Variants in STRN3 observed in about 807,000 individuals in gnomAD.
STRN3 encodes striatin-3.
Under a neutral mutation model 95.6 loss-of-function variants are expected in STRN3, and 29 were observed. The ratio of observed to expected loss-of-function variants is 0.30; its 90% confidence interval spans 0.23 to 0.41. STRN3 has a LOEUF of 0.41. STRN3 is among the 10% of genes least tolerant of loss of function. The probability of loss-of-function intolerance (pLI) is 1.00; values close to 1 mark genes in which losing one functional copy is unlikely to be tolerated. For missense variants in STRN3, 890 were observed against 972.1 expected (o/e 0.92, Z 1.12); for synonymous variants, 331 against 357.6 (o/e 0.93, Z 0.84).
chr14:30,900,443 C>T (rs867496984), intron 16 of STRN3, among the ~76,000 whole-genome samples: 1 of 52,368 alleles, frequency 1.9e-5, no homozygotes, highest in Admixed American at 2.4e-4. Flanking sequence ...GGGTGTGGGG[C>T]GGGGGGGGGC....
intron 1 of STRN3, among the ~76,000 whole-genome samples, chr14:30,986,524 T>C (rs1881701827): frequency 6.6e-6 from 1 of 152,212 alleles, no homozygotes; most frequent in South Asian, 2.1e-4. Context: ...GTAATAAACC[T>C]TTTAGCTACT....
chr14:30,926,900 G>T (rs1382916575), intron 8 of STRN3, among the ~76,000 whole-genome samples: 1 of 151,826 alleles, frequency 6.6e-6, no homozygotes, highest in Non-Finnish European at 1.5e-5. Flanking sequence ...TGTTTAGAAA[G>T]AAGAAAAAAT....
intron 1 of STRN3, among the ~76,000 whole-genome samples, chr14:30,974,115 CAG>C (rs1357852320): frequency 6.6e-6 from 1 of 152,020 alleles, no homozygotes; most frequent in African/African-American, 2.4e-5. Context: ...AATTAGGAAA[CAG>C]AAATAAAAGG....
chr14:31,003,214 A>G (rs1257811596), intron 1 of STRN3, among the ~76,000 whole-genome samples: 1 of 150,666 alleles, frequency 6.6e-6, no homozygotes, highest in African/African-American at 2.4e-5. Flanking sequence ...GTGAGCCAAG[A>G]CCACGCCACT....
At chr14:30,895,893 C>T (rs1277876128) in intron 16 of STRN3, 145 bp from the exon 17 acceptor site, 8 of 651,652 alleles carry the variant, frequency 1.2e-5, no homozygotes, top group African/African-American at 3.7e-5. Context: ...AAATTTACCA[C>T]TGTAAACATC....
chr14:30,914,470 G>C (rs1437054325), intron 9 of STRN3, among the ~76,000 whole-genome samples: 1 of 151,858 alleles, frequency 6.6e-6, no homozygotes, highest in Non-Finnish European at 1.5e-5. Flanking sequence ...CTCCTGTCTC[G>C]GTCTCCCAAG....
At chr14:31,025,735 G>A (rs1246841522) in intron 1 of STRN3, 169 bp downstream of exon 1, 16 of 899,494 alleles carry the variant, frequency 1.8e-5, no homozygotes, top group Admixed American at 5.6e-5. Context: ...GAAAGAGGGA[G>A]GGGGACTCCA....
At chr14:30,902,716 C>A in intron 15 of STRN3, 73 bp from the exon 16 acceptor site, 2 of 960,034 alleles carry the variant, frequency 2.1e-6, no homozygotes, top group South Asian at 1.5e-5. Context: ...CCTTTTTAAT[C>A]GTGCTAAAAT....
intron 1 of STRN3, among the ~76,000 whole-genome samples, chr14:31,003,359 A>AC (rs1259822462): frequency 6.9e-6 from 1 of 145,668 alleles, no homozygotes; most frequent in Non-Finnish European, 1.5e-5. Flanking sequence ...GAAAAAAAAA[A>AC]AACAAACAAC....
Position 30,950,929 on chromosome 14 carries a change from G to T in STRN3, c.476C>A (p.Thr159Lys), listed in dbSNP as rs935625321. 50 of 1,612,536 alleles carry T rather than the reference G, an allele frequency of 3.1e-5. No homozygotes were observed. Among genetic ancestry groups the T allele is most frequent in the African/African-American group, 4.0e-5 (3 of 74,780 alleles). ...ATTCTGAGGTGCTGTGGGAGCCTCTGTGTCTTTGGTTTCTTCTAAAAATTA... is the reference window on the plus strand; with the variant it reads ...ATTCTGAGGTGCTGTGGGAGCCTCTTTGTCTTTGGTTTCTTCTAAAAATTA... The part of the protein sequence containing the change: ...PTFESEETKD[T>K]EAPTAPQNSQ... Residue 159 changes from threonine (T) to lysine (K), a missense_variant, in exon 4 of 18, where the codon ACA becomes AAA. By Grantham distance (78) the Thr-to-Lys change is moderately conservative. Around this residue, in one of 3 missense-constraint regions of STRN3, gnomAD observed 526 missense variants for 526.3 expected, o/e 1.00. Coordinates refer to ENST00000357479, the MANE Select transcript of STRN3 (RefSeq NM_001083893.2).
At chr14:30,908,213 G>A (rs965673052) in intron 13 of STRN3, among the ~76,000 whole-genome samples, 2 of 151,940 alleles carry the variant, frequency 1.3e-5, no homozygotes, top group African/African-American at 2.4e-5. Flanking sequence ...AAAAAAACTT[G>A]TTCCAGAATC....
intron 1 of STRN3, among the ~76,000 whole-genome samples, chr14:30,967,469 G>C (rs901847102): frequency 1.3e-5 from 2 of 152,190 alleles, no homozygotes; most frequent in Admixed American, 6.5e-5. Context: ...GGTCTTCTCC[G>C]TGACCCTATA....
At chr14:30,925,234 C>A (rs1313005861) in intron 8 of STRN3, among the ~76,000 whole-genome samples, 1 of 91,650 alleles carries the variant, frequency 1.1e-5, no homozygotes, top group East Asian at 2.7e-4. Context: ...GGGGAGGGGG[C>A]GGGCAGGGGG....
At chr14:31,021,834 C>T (rs763457576) in intron 1 of STRN3, among the ~76,000 whole-genome samples, 7 of 151,994 alleles carry the variant, frequency 4.6e-5, no homozygotes, top group Non-Finnish European at 8.8e-5. Flanking sequence ...GAGAAGAAAG[C>T]GAAAAGGCAG....
Position 31,013,867 on chromosome 14 carries a change from TTATTATTATTATTATTA to T in STRN3, c.282+12020_282+12036del, listed in dbSNP as rs1883094410. 5.1e-4 allele frequency among the ~76,000 whole-genome samples: 47 copies of T among 92,728 alleles called. 1 individual carries two copies. Among genetic ancestry groups the T allele is most frequent in the South Asian group, 2.3e-3 (5 of 2,184 alleles). 60.8% of individuals were successfully genotyped at this position (92,728 alleles called of 152,430 possible). On this transcript the variant is annotated intron_variant, in intron 1 of 17. Transcript: ENST00000357479. The stretch of plus-strand genomic sequence containing the variant: ...GCCTTGGCTTCTCAAAGCAATTTTA[TTATTATTATTATTATTA>T]TTATTATTATTATTATTATTATTAT...
intron 1 of STRN3, among the ~76,000 whole-genome samples, chr14:30,970,685 C>A (rs1566466038): frequency 6.6e-6 from 1 of 152,200 alleles, no homozygotes; most frequent in Non-Finnish European, 1.5e-5. Flanking sequence ...ACAAGGGAAC[C>A]ATTGTTCCTC....
chr14:30,929,965 A>ACAAAAAAAAAC (rs79477795), intron 7 of STRN3, among the ~76,000 whole-genome samples: 1 of 143,360 alleles, frequency 7.0e-6, no homozygotes, highest in African/African-American at 2.6e-5. Flanking sequence ...AAAAAAAAAA[A>ACAAAAAAAAAC]AAAAAAAAAA....
chr14:30,975,189 GA>G (rs1881033138), intron 1 of STRN3, among the ~76,000 whole-genome samples: 1 of 150,584 alleles, frequency 6.6e-6, no homozygotes, highest in Non-Finnish European at 1.5e-5. Context: ...AGTGGATAAA[GA>G]AAATGTGATA....
chr14:31,017,058 G>C (rs951952430), intron 1 of STRN3, among the ~76,000 whole-genome samples: 2 of 152,036 alleles, frequency 1.3e-5, no homozygotes, highest in Non-Finnish European at 2.9e-5. Context: ...AGGAGGCTGA[G>C]GTGGGAGGAT....
Sources: gnomAD v4.1 joint callset for allele counts (sites outside exome capture counted in the v4.1 genomes callset) on GRCh38, gnomAD v4.1.1 for gene constraint, gnomAD v4.1.1 regional missense constraint, MANE v1.5 for transcripts, NCBI Gene and HGNC (gene_info 2026-07-23, HGNC 2026-07-21) for gene names.